The following CDH4 variants were observed in gnomAD, a reference collection of about 807,000 sequenced individuals.
CDH4 encodes cadherin 4, also known as cadherin-4.
A neutral mutation model predicts 86.0 loss-of-function variants in CDH4; 33 were observed. The observed-to-expected ratio is 0.38, with a 90% CI of 0.29 to 0.51. The LOEUF (loss-of-function observed/expected upper bound fraction) is 0.51. Among genes scored for constraint, CDH4 ranks in the 20% least tolerant of loss-of-function variants. The pLI is 0.86. For missense variants in CDH4, 1,114 were observed against 1,307.4 expected, an observed-to-expected ratio of 0.85 and a Z score of 2.28; for synonymous variants, 555 against 549.4, an observed-to-expected ratio of 1.01 and a Z score of -0.14.
At chr20:61,443,214 T>C (rs879879868) in intron 2 of CDH4, among the ~76,000 whole-genome samples, 40 of 152,378 alleles carry the variant, frequency 2.6e-4, no homozygotes, top group Middle Eastern at 3.4e-3. Flanking sequence ...TGCACGCTTA[T>C]TTGTCGCAGA....
intron 2 of CDH4, among the ~76,000 whole-genome samples, chr20:61,320,276 A>G (rs901904839): frequency 1.3e-5 from 2 of 151,918 alleles, no homozygotes; most frequent in African/African-American, 4.8e-5. Context: ...TTTTGTCACG[A>G]TTGTTCATTT....
chr20:61,608,502 T>A (rs2086661338), intron 2 of CDH4, among the ~76,000 whole-genome samples: 1 of 152,228 alleles, frequency 6.6e-6, no homozygotes. Flanking sequence ...CCAGGTCTCA[T>A]GCGTGGTGAT....
rs535420908 is a variant in CDH4, at chr20:61,396,800, C to G, written c.169+141863C>G. ...CATCACTAGCCTAGGAGGGAGATGC[C>G]GGGGGCTGGAAGCCCTGGGGTGGGG... On this transcript the variant is annotated intron_variant, in intron 2 of 15. Transcript: ENST00000614565. Among the ~76,000 whole-genome samples the G allele has an allele frequency of 1.6e-4, 25 of 152,286 alleles. No homozygotes were observed. The South Asian group carries it at 5.2e-3, about 32-fold the overall frequency.
chr20:61,779,948 C>T (rs960714467), intron 4 of CDH4, among the ~76,000 whole-genome samples: 2 of 152,222 alleles, frequency 1.3e-5, no homozygotes, highest in African/African-American at 2.4e-5. Flanking sequence ...ATAATTAGCA[C>T]GGAGTCCACC....
intron 2 of CDH4, among the ~76,000 whole-genome samples, chr20:61,568,855 T>C (rs2086320726): frequency 6.6e-6 from 1 of 152,214 alleles, no homozygotes. Flanking sequence ...CTGCATTGCA[T>C]GAGTGGATTT....
intron 4 of CDH4, among the ~76,000 whole-genome samples, chr20:61,818,689 T>TA (rs150034277): frequency 0.4 from 56,331 of 141,348 alleles, 13,745 homozygotes; most frequent in Non-Finnish European, 0.56. Context: ...AACTAAAAAT[T>TA]TAAAAAAAAA....
At chr20:61,678,868 A>T (rs1304448150) in intron 2 of CDH4, among the ~76,000 whole-genome samples, 1 of 151,866 alleles carries the variant, frequency 6.6e-6, no homozygotes, top group Non-Finnish European at 1.5e-5. Context: ...ATGAGCTCCA[A>T]CTCTCCTTGC....
intron 9 of CDH4, among the ~76,000 whole-genome samples, chr20:61,913,212 C>T (rs898040153): frequency 6.6e-6 from 1 of 152,198 alleles, no homozygotes; most frequent in African/African-American, 2.4e-5. Context: ...CACACACAGC[C>T]CCGCCACCTT....
chr20:61,547,047 C>T (rs1329117827), intron 2 of CDH4, among the ~76,000 whole-genome samples: 4 of 151,274 alleles, frequency 2.6e-5, no homozygotes, highest in Non-Finnish European at 5.9e-5. Flanking sequence ...TCGCTGCCTC[C>T]CTCCCTTCTA....
rs1256144591 is a variant in CDH4, at chr20:61,480,487, T to C, written c.169+225550T>C. Among the ~76,000 whole-genome samples, 6 of 152,220 alleles carry C rather than the reference T, an allele frequency of 3.9e-5. No homozygotes were observed. The highest frequency in any genetic ancestry group is 3.9e-4 in the Admixed American group (6 of 15,292). On this transcript the variant is annotated intron_variant, in intron 2 of 15. Coordinates refer to ENST00000614565, the MANE Select transcript of CDH4 (RefSeq NM_001794.5). This position sits in a 1 kb window ranked among gnomAD's most constrained non-coding sequence, Gnocchi z 5.2. ...TATCAAAGTGCCCGATGAGACATGT[T>C]CCCTGAGGAACCCAGGCAGAACTGG...
chr20:61,354,599 A>T (rs1243401703), intron 2 of CDH4, among the ~76,000 whole-genome samples: 2 of 151,988 alleles, frequency 1.3e-5, no homozygotes, highest in South Asian at 4.2e-4. Context: ...GGCTGTCCTG[A>T]CCCCTCCCTG....
At chr20:61,592,750 G>C (rs1203178986) in intron 2 of CDH4, among the ~76,000 whole-genome samples, 1 of 152,116 alleles carries the variant, frequency 6.6e-6, no homozygotes, top group East Asian at 1.9e-4. Flanking sequence ...GGGCCACCCA[G>C]CACACTGCCG....
At chr20:61,816,005 C>T (rs1980697204) in intron 4 of CDH4, among the ~76,000 whole-genome samples, 1 of 152,188 alleles carries the variant, frequency 6.6e-6, no homozygotes, top group Non-Finnish European at 1.5e-5. Flanking sequence ...AGCTTAAAGT[C>T]GCATAAACCC....
intron 6 of CDH4, among the ~76,000 whole-genome samples, chr20:61,858,288 T>C (rs1745536132): frequency 6.6e-6 from 1 of 151,774 alleles, no homozygotes; most frequent in African/African-American, 2.4e-5. Flanking sequence ...TGTCTGTGTC[T>C]GTGTGTGTGT....
chr20:61,914,311 A>G (rs991915824), intron 9 of CDH4, among the ~76,000 whole-genome samples: 49 of 152,330 alleles, frequency 3.2e-4, no homozygotes, highest in African/African-American at 1.2e-3. Context: ...CTGAGCACTA[A>G]GCAGAGCCTC....
chr20:61,555,085 G>A (rs539827382), intron 2 of CDH4, among the ~76,000 whole-genome samples: 1 of 152,334 alleles, frequency 6.6e-6, no homozygotes, highest in Non-Finnish European at 1.5e-5. Flanking sequence ...GCCCATGGGA[G>A]TGCTCTTCCA....
chr20:61,284,013 C>T (rs1053989528), intron 2 of CDH4, among the ~76,000 whole-genome samples: 2 of 152,146 alleles, frequency 1.3e-5, no homozygotes, highest in Non-Finnish European at 2.9e-5. Flanking sequence ...ACTTAAAAAT[C>T]TGCTTAGCTT....
At chr20:61,931,756 G>GT (rs889575497) in intron 13 of CDH4, among the ~76,000 whole-genome samples, 22 of 152,194 alleles carry the variant, frequency 1.4e-4, no homozygotes, top group Non-Finnish European at 2.2e-4. Context: ...GAGCAAGGCT[G>GT]TTTAGGGGAG....
Position 61,811,218 on chromosome 20 carries a change from GA to G in CDH4, c.577-33448del, listed in dbSNP as rs2146046803. Among the ~76,000 whole-genome samples the G allele has an allele frequency of 6.6e-6, 1 of 152,328 alleles. No individual in the cohort carries two copies. Among genetic ancestry groups the G allele is most frequent in the African/African-American group, 2.4e-5 (1 of 41,582 alleles). On this transcript the variant is annotated intron_variant, in intron 4 of 15. Coordinates refer to ENST00000614565, the MANE Select transcript of CDH4 (RefSeq NM_001794.5). The surrounding 1 kb of genome is among the most constrained non-coding windows in gnomAD (Gnocchi z 4.4). The stretch of plus-strand genomic sequence containing the variant: ...TCCCTGCTGAGGATGTGAACCAGGT[GA>G]AGTGAAGAATTGCTGGAGGAAACAT...
Sources: gnomAD v4.1 joint callset for allele counts (sites outside exome capture counted in the v4.1 genomes callset) on GRCh38, gnomAD v4.1.1 for gene constraint, Gnocchi (gnomAD v3.1) non-coding constraint, MANE v1.5 for transcripts, NCBI Gene and HGNC (gene_info 2026-07-23, HGNC 2026-07-21) for gene names.